PPP6R2: variants seen among roughly 807,000 people sequenced by gnomAD.
PPP6R2 encodes serine/threonine-protein phosphatase 6 regulatory subunit 2.
PPP6R2 carries 62 observed loss-of-function variants against 100.2 expected under a neutral mutation model. That is an observed-to-expected ratio of 0.62 (90% CI 0.50 to 0.76). PPP6R2 has a LOEUF of 0.76. Among genes scored for constraint, PPP6R2 ranks in the 30% least tolerant of loss-of-function variants. PPP6R2 has a pLI of 0.00. For synonymous variants in PPP6R2, 525 were observed against 514.7 expected (o/e 1.02, Z -0.27); for missense variants, 1,142 against 1,276.3 (o/e 0.89, Z 1.60).
At chr22:50,352,027 C>T (rs2045406513) in intron 1 of PPP6R2, among the ~76,000 whole-genome samples, 1 of 152,130 alleles carries the variant, frequency 6.6e-6, no homozygotes, top group African/African-American at 2.4e-5. Flanking sequence ...CATCTCCTGA[C>T]CTCATGATCC....
intron 3 of PPP6R2, among the ~76,000 whole-genome samples, chr22:50,405,016 C>T (rs997162885): frequency 6.6e-6 from 1 of 152,208 alleles, no homozygotes. Flanking sequence ...AGCAAAGTAC[C>T]TTATTCACAG....
intron 3 of PPP6R2, among the ~76,000 whole-genome samples, chr22:50,406,183 G>A (rs2058914684): frequency 1.4e-5 from 2 of 146,602 alleles, no homozygotes; most frequent in South Asian, 4.4e-4. Flanking sequence ...CTGGAGAGAG[G>A]TGAGAGGCCT....
chr22:50,386,828 A>G (rs2054351360), intron 2 of PPP6R2, among the ~76,000 whole-genome samples: 1 of 152,048 alleles, frequency 6.6e-6, no homozygotes, highest in Non-Finnish European at 1.5e-5. Flanking sequence ...AGGGTTGGAA[A>G]AGTTAGGCTG....
chr22:50,373,114 A>C (rs1391110635), intron 2 of PPP6R2, among the ~76,000 whole-genome samples: 1 of 152,130 alleles, frequency 6.6e-6, no homozygotes, highest in African/African-American at 2.4e-5. Flanking sequence ...CAAACCACAC[A>C]GTTACGCAGA....
At chr22:50,350,959 T>G (rs1331677770) in intron 1 of PPP6R2, among the ~76,000 whole-genome samples, 1 of 150,790 alleles carries the variant, frequency 6.6e-6, no homozygotes, top group Admixed American at 6.7e-5. Context: ...GGTGACTAGA[T>G]GCATGGTCAA....
At chr22:50,440,800 G>T (rs1402164918) in intron 21 of PPP6R2, 22 bp from the exon 22 acceptor site, 2 of 1,612,184 alleles carry the variant, frequency 1.2e-6, no homozygotes, top group Non-Finnish European at 1.7e-6. Flanking sequence ...TCACTGGACA[G>T]CACAGGCCTC....
the PPP6R2 span, among the ~76,000 whole-genome samples, chr22:50,337,665 GGT>G: frequency 0.27 from 36,413 of 134,654 alleles, 5,746 homozygotes; most frequent in Non-Finnish European, 0.37. Flanking sequence ...TGGTGTGTGT[GGT>G]GTGTGTGTGT....
At position 50,393,881 on chromosome 22, in the gene PPP6R2, C is replaced by G; in HGVS notation, c.-16-12C>G. On this transcript the variant is annotated splice_polypyrimidine_tract_variant and intron_variant, in intron 2 of 23. Coordinates refer to ENST00000612753, the MANE Select transcript of PPP6R2 (RefSeq NM_001242898.2). ...AGGGTGAGAGACGTGACCCCTTTGC[C>G]CTCGTTTGCAGCTCTGCGGCCGTCA... is the stretch of plus-strand genomic sequence containing the variant. 2.5e-6 allele frequency: 4 copies of G among 1,613,718 alleles called. No homozygotes were observed. The highest frequency in any genetic ancestry group is 3.4e-6 in the Non-Finnish European group (4 of 1,179,696).
At chr22:50,441,705 C>T (rs917935784) in intron 22 of PPP6R2, among the ~76,000 whole-genome samples, 2 of 152,116 alleles carry the variant, frequency 1.3e-5, no homozygotes, top group Non-Finnish European at 2.9e-5. Flanking sequence ...GAGAGGGAGG[C>T]TCTCCCTGTG....
Position 50,346,825 on chromosome 22 carries a change from G to GC in PPP6R2, c.-148+3282dup, listed in dbSNP as rs899760196. ...GCATCCCTGTCCCCCGTCAGCCAGT[G>GC]CCCCCCCAGTCAATTATTTTCTTTC... On this transcript the variant is annotated intron_variant, in intron 1 of 23. Transcript: ENST00000612753. 2.2e-4 allele frequency among the ~76,000 whole-genome samples: 26 copies of GC among 118,312 alleles called. 1 individual carries two copies. The highest frequency in any genetic ancestry group is 8.2e-4 in the South Asian group (3 of 3,658). The allele number at this position is 118,312 out of a possible 152,430, so 77.6% of individuals were successfully genotyped here.
Position 50,397,319 on chromosome 22 carries a change from C to T in PPP6R2, c.227+3184C>T, listed in dbSNP as rs192933665. 1.5e-3 allele frequency among the ~76,000 whole-genome samples: 226 copies of T among 152,186 alleles called. 3 individuals carry two copies. Among genetic ancestry groups the T allele is most frequent in the Non-Finnish European group, 1.8e-4 (12 of 68,010 alleles). ...AGTAAACAATCCAGGTCAGGATATCCATCTAAATTACCCTGTGACTCGGAG... is the reference window on the plus strand; with the variant it reads ...AGTAAACAATCCAGGTCAGGATATCTATCTAAATTACCCTGTGACTCGGAG... On this transcript the variant is annotated intron_variant, in intron 3 of 23. Coordinates refer to ENST00000612753, the MANE Select transcript of PPP6R2 (RefSeq NM_001242898.2).
chr22:50,416,882 G>A (rs2060618013), intron 6 of PPP6R2, among the ~76,000 whole-genome samples: 1 of 150,862 alleles, frequency 6.6e-6, no homozygotes, highest in Non-Finnish European at 1.5e-5. Flanking sequence ...CTTGAACCCA[G>A]GAAGGGGAGC....
chr22:50,414,629 C>T lies in PPP6R2; in HGVS notation c.492C>T (p.Asp164=), dbSNP rs149768816. Residue 164 remains aspartate (D), a synonymous_variant, in exon 5 of 24, where the codon GAC becomes GAT. Transcript: ENST00000612753. ...LKHIGTSALM[D]LLLRLVSCVE... ...ACATCGGCACCTCAGCGCTTATGGA[C>T]CTGCTGCTGCGCCTGGTCAGCTGTG... is the stretch of plus-strand genomic sequence containing the variant. 2.1e-5 allele frequency: 34 copies of T among 1,613,648 alleles called. No individual in the cohort carries two copies. The South Asian group carries it at 3.3e-4, about 16-fold the overall frequency.
chr22:50,340,529 G>T (rs1164999645), upstream of PPP6R2, among the ~76,000 whole-genome samples: 10 of 141,844 alleles, frequency 7.1e-5, no homozygotes, highest in East Asian at 2.1e-4. Flanking sequence ...TGTGTGGGGG[G>T]TATGTGGTGT....
chr22:50,341,091 T>C (rs918031693), upstream of PPP6R2, among the ~76,000 whole-genome samples: 6 of 151,672 alleles, frequency 4.0e-5, no homozygotes, highest in Admixed American at 3.9e-4. Flanking sequence ...TTTATATGTT[T>C]AGTAGAGACC....
At position 50,444,021 on chromosome 22, in the gene PPP6R2, CTT is replaced by C. The variant is rs1569503693; in HGVS notation, c.2736_2737del (p.Ser913CysfsTer79). ...CCCGCCATACCCACCCCAGCAGTCT[CTT>C]CTGCACTGGCCGTGGCGGTCCCCCT... is the stretch of plus-strand genomic sequence containing the variant. On this transcript the variant is annotated frameshift_variant, in exon 23 of 24. Coordinates refer to ENST00000612753, the MANE Select transcript of PPP6R2 (RefSeq NM_001242898.2). LOFTEE classifies it high-confidence loss of function. 2.5e-6 allele frequency: 4 copies of C among 1,613,560 alleles called. No individual in the cohort carries two copies. The highest frequency in any genetic ancestry group is 3.4e-6 in the Non-Finnish European group (4 of 1,179,984).
At chr22:50,436,280 C>G (rs2148265664) in intron 13 of PPP6R2, 87 bp from the exon 14 acceptor site, 3 of 1,215,602 alleles carry the variant, frequency 2.5e-6, no homozygotes, top group Non-Finnish European at 3.5e-6. Context: ...CCTCCCGGAC[C>G]CAGGATGCAC....
In PPP6R2 at chr22:50,438,303, G is replaced by C; in HGVS notation, c.1964+5G>C. On this transcript the variant is annotated splice_donor_5th_base_variant and intron_variant, in intron 18 of 23. Coordinates refer to ENST00000612753, the MANE Select transcript of PPP6R2 (RefSeq NM_001242898.2). The stretch of plus-strand genomic sequence containing the variant: ...CCGGGTGATGGCCAGACCCAGGTGC[G>C]GGGCCTGCCCATCCCCACAAAGCCT... The C allele has an allele frequency of 6.2e-7, 1 of 1,609,386 alleles. No individual in the cohort carries two copies. Among genetic ancestry groups the C allele is most frequent in the Non-Finnish European group, 8.5e-7 (1 of 1,177,956 alleles).
In PPP6R2 at chr22:50,414,621, C is replaced by T; in HGVS notation, c.484C>T (p.Leu162Phe). The T allele has an allele frequency of 6.2e-7, 1 of 1,613,886 alleles. No homozygotes were observed. Among genetic ancestry groups the T allele is most frequent in the Non-Finnish European group, 8.5e-7 (1 of 1,179,990 alleles). The change falls in exon 5 of 24, where the codon CTT (leucine) becomes TTT (phenylalanine). Residue 162 changes from leucine to phenylalanine, a missense_variant. Leu to Phe is a conservative substitution (Grantham distance 22). Transcript: ENST00000612753. ...GTTGAAGCACATCGGCACCTCAGCGCTTATGGACCTGCTGCTGCGCCTGGT... is the reference window on the plus strand; with the variant it reads ...GTTGAAGCACATCGGCACCTCAGCGTTTATGGACCTGCTGCTGCGCCTGGT... ...LVLKHIGTSA[L>F]MDLLLRLVSC...
Sources: allele counts gnomAD v4.1 joint callset (sites outside exome capture counted in the v4.1 genomes callset), GRCh38; gene constraint gnomAD v4.1.1; transcripts MANE v1.5; gene names NCBI Gene and HGNC (gene_info 2026-07-23, HGNC 2026-07-21).